BNC2: variants seen among roughly 807,000 people sequenced by gnomAD.
The protein encoded by BNC2 is zinc finger protein basonuclin-2.
A neutral mutation model predicts 76.3 loss-of-function variants in BNC2; 20 were observed. The observed-to-expected ratio is 0.26, with a 90% CI of 0.18 to 0.38. BNC2 has a LOEUF of 0.38. Among genes scored for constraint, BNC2 ranks in the 10% least tolerant of loss-of-function variants. The pLI, the probability that BNC2 is intolerant of heterozygous loss-of-function variation, is 1.00. For missense variants in BNC2, 1,382 were observed against 1,399.8 expected, an observed-to-expected ratio of 0.99 and a Z score of 0.20; for synonymous variants, 582 against 514.8, an observed-to-expected ratio of 1.13 and a Z score of -1.77.
Position 16,437,305 on chromosome 9 carries a change from G to A in BNC2, c.889C>T (p.Leu297Phe). The change falls in exon 6 of 7, where the codon CTC becomes TTC. Residue 297 changes from leucine to phenylalanine, a missense_variant. Leu to Phe is a conservative substitution (Grantham distance 22). Coordinates refer to ENST00000380672, the MANE Select transcript of BNC2 (RefSeq NM_017637.6). Reference sequence around the variant, plus strand: ...TTGCTGTTCTCTAAGTGAGCAAGGAGGCTGGGACTCCTGGTGCGATTATTG... The same window carrying A: ...TTGCTGTTCTCTAAGTGAGCAAGGAAGCTGGGACTCCTGGTGCGATTATTG... ...ESNNRTRSPS[L>F]LAHLENSNPS... The A allele has an allele frequency of 6.2e-7, 1 of 1,614,148 alleles. No individual in the cohort carries two copies. The highest frequency in any genetic ancestry group is 2.2e-5 in the East Asian group (1 of 44,882).
chr9:16,582,397 A>T (rs984195696), intron 4 of BNC2, among the ~76,000 whole-genome samples: 2 of 152,064 alleles, frequency 1.3e-5, no homozygotes, highest in Admixed American at 1.3e-4. Flanking sequence ...GCACACACCT[A>T]CACAGAGCTC....
chr9:16,418,967 A>T lies in BNC2; in HGVS notation c.*22T>A, dbSNP rs771939316. 5 of 1,613,586 alleles carry T rather than the reference A, an allele frequency of 3.1e-6. No homozygotes were observed. In the African/African-American group the frequency reaches 6.7e-5, roughly 22 times the overall value. On this transcript the variant is annotated 3_prime_UTR_variant, in exon 7 of 7. Transcript: ENST00000380672. ...CGTAGGCCATCTGGTGAGAGCTGGC[A>T]TTTGTAGTGTCCATTCTGAGACTAA...
chr9:16,468,110 G>A (rs1372916122), intron 5 of BNC2, among the ~76,000 whole-genome samples: 6 of 144,678 alleles, frequency 4.1e-5, no homozygotes, highest in Non-Finnish European at 9.0e-5. Context: ...GCACCAACAT[G>A]GCTCACTGCA....
chr9:16,804,069 G>C (rs772453733), intron 1 of BNC2, among the ~76,000 whole-genome samples: 12 of 152,190 alleles, frequency 7.9e-5, no homozygotes, highest in Non-Finnish European at 1.2e-4. Flanking sequence ...GCTTCTGCCT[G>C]CTCCACGCTA....
At chr9:16,839,838 G>A (rs191523822) in intron 1 of BNC2, among the ~76,000 whole-genome samples, 12 of 151,842 alleles carry the variant, frequency 7.9e-5, no homozygotes, top group Admixed American at 3.3e-4. Context: ...CAACCAATGC[G>A]GTGTGGTGCA....
At chr9:16,843,970 T>C (rs1015085830) in intron 1 of BNC2, among the ~76,000 whole-genome samples, 2 of 152,148 alleles carry the variant, frequency 1.3e-5, no homozygotes, top group Non-Finnish European at 1.5e-5. Context: ...AGGTTTTTTG[T>C]TGTTGTTGTT....
At chr9:16,635,990 T>C (rs1177755512) in intron 3 of BNC2, among the ~76,000 whole-genome samples, 1 of 152,150 alleles carries the variant, frequency 6.6e-6, no homozygotes, top group Non-Finnish European at 1.5e-5. Flanking sequence ...GTTTGTTTGT[T>C]TTATTAATAT....
In BNC2 at chr9:16,840,908, C is replaced by T. The variant is rs146147254; in HGVS notation, c.3+29738G>A. 4.5e-3 allele frequency among the ~76,000 whole-genome samples: 692 copies of T among 152,264 alleles called. 9 individuals carry two copies. Among genetic ancestry groups the T allele is most frequent in the African/African-American group, 0.015 (628 of 41,548 alleles). ...TTTGGCCACTCCACAATAAACAGGC[C>T]TAACTGTAGATAATATTGTATCTAA... is the stretch of plus-strand genomic sequence containing the variant. On this transcript the variant is annotated intron_variant, in intron 1 of 6. Coordinates refer to ENST00000380672, the MANE Select transcript of BNC2 (RefSeq NM_017637.6).
chr9:16,744,763 T>C (rs1824950955), intron 1 of BNC2, among the ~76,000 whole-genome samples: 1 of 152,216 alleles, frequency 6.6e-6, no homozygotes, highest in Admixed American at 6.5e-5. Context: ...ATAAACTCCC[T>C]GTGAAATTTT....
At chr9:16,517,182 C>G (rs1208369547) in intron 5 of BNC2, among the ~76,000 whole-genome samples, 1 of 152,164 alleles carries the variant, frequency 6.6e-6, no homozygotes, top group Non-Finnish European at 1.5e-5. Flanking sequence ...GTATAAGGTT[C>G]TGTGTGTTGA....
At chr9:16,522,325 C>T (rs1232602697) in intron 5 of BNC2, among the ~76,000 whole-genome samples, 1 of 152,198 alleles carries the variant, frequency 6.6e-6, no homozygotes, top group Non-Finnish European at 1.5e-5. Flanking sequence ...TTGGCTGCCA[C>T]GGCCTCTTCC....
At chr9:16,773,774 T>G (rs1364145859) in intron 1 of BNC2, among the ~76,000 whole-genome samples, 2 of 152,142 alleles carry the variant, frequency 1.3e-5, no homozygotes, top group African/African-American at 4.8e-5. Context: ...GCCTCACCTT[T>G]CATACACCTA....
At chr9:16,442,060 T>G (rs1255551419) in intron 5 of BNC2, among the ~76,000 whole-genome samples, 1 of 152,196 alleles carries the variant, frequency 6.6e-6, no homozygotes, top group Admixed American at 6.5e-5. Context: ...AAGTCAATTC[T>G]TTTAGGTTTT....
At chr9:16,492,721 ATT>A (rs59536317) in intron 5 of BNC2, among the ~76,000 whole-genome samples, 3 of 140,238 alleles carry the variant, frequency 2.1e-5, no homozygotes, top group African/African-American at 2.6e-5. Context: ...AGGCCTGCCC[ATT>A]TTTTTTTTTT....
At chr9:16,480,814 G>A (rs1198803035) in intron 5 of BNC2, among the ~76,000 whole-genome samples, 6 of 152,290 alleles carry the variant, frequency 3.9e-5, no homozygotes, top group African/African-American at 7.2e-5. Flanking sequence ...CTCCTGTGCG[G>A]CCTGAGCCTC....
intron 3 of BNC2, among the ~76,000 whole-genome samples, chr9:16,683,601 A>G (rs1822888286): frequency 6.6e-6 from 1 of 152,216 alleles, no homozygotes. Flanking sequence ...CTCTAGGAAA[A>G]AATTTAAAAA....
intron 5 of BNC2, among the ~76,000 whole-genome samples, chr9:16,543,149 G>C (rs551934303): frequency 6.6e-6 from 1 of 152,102 alleles, no homozygotes; most frequent in Non-Finnish European, 1.5e-5. Flanking sequence ...GGGTTGGGGT[G>C]GGGGGACTAG....
chr9:16,746,200 A>C (rs1229609940), intron 1 of BNC2, among the ~76,000 whole-genome samples: 1 of 152,210 alleles, frequency 6.6e-6, no homozygotes, highest in Non-Finnish European at 1.5e-5. Context: ...ATAATCTAGT[A>C]GTATACCAGA....
At chr9:16,825,589 G>T (rs1165256864) in intron 1 of BNC2, among the ~76,000 whole-genome samples, 1 of 152,048 alleles carries the variant, frequency 6.6e-6, no homozygotes, top group African/African-American at 2.4e-5. Context: ...GTAAACCTTT[G>T]TGGTGTTCTC....
Sources: gnomAD v4.1 joint callset for allele counts (sites outside exome capture counted in the v4.1 genomes callset) on GRCh38, gnomAD v4.1.1 for gene constraint, MANE v1.5 for transcripts, NCBI Gene and HGNC (gene_info 2026-07-23, HGNC 2026-07-21) for gene names.